The following AGBL4 variants were observed in gnomAD, a reference collection of about 807,000 sequenced individuals.
The protein encoded by AGBL4 is cytosolic carboxypeptidase 6.
A neutral mutation model predicts 66.4 loss-of-function variants in AGBL4; 58 were observed. The observed-to-expected ratio is 0.87, with a 90% CI of 0.71 to 1.09. The LOEUF (loss-of-function observed/expected upper bound fraction) is 1.09, where lower values mean the gene tolerates loss of function less well. Among genes scored for constraint, AGBL4 ranks in the 50% least tolerant of loss-of-function variants. The pLI is 0.00. For synonymous variants in AGBL4, 234 were observed against 222.9 expected, an observed-to-expected ratio of 1.05 and a Z score of -0.44; for missense variants, 579 against 631.0, an observed-to-expected ratio of 0.92 and a Z score of 0.88.
intron 5 of AGBL4, among the ~76,000 whole-genome samples, chr1:48,911,760 T>A (rs1158554862): frequency 6.6e-6 from 1 of 152,198 alleles, no homozygotes; most frequent in African/African-American, 2.4e-5. Flanking sequence ...ATCCAAATTA[T>A]TATAGTTCAT....
chr1:48,639,329 A>G (rs1054442987), intron 8 of AGBL4, among the ~76,000 whole-genome samples: 1 of 152,222 alleles, frequency 6.6e-6, no homozygotes, highest in East Asian at 1.9e-4. Context: ...TGAACAAAAC[A>G]TCTTAGTAAA....
At chr1:48,832,862 TG>T (rs1646587601) in intron 6 of AGBL4, among the ~76,000 whole-genome samples, 1 of 152,220 alleles carries the variant, frequency 6.6e-6, no homozygotes, top group Non-Finnish European at 1.5e-5. Flanking sequence ...CCTCAGACTC[TG>T]ACTTATACCA....
intron 3 of AGBL4, among the ~76,000 whole-genome samples, chr1:49,483,011 T>C (rs1646988735): frequency 6.6e-6 from 1 of 152,078 alleles, no homozygotes; most frequent in Non-Finnish European, 1.5e-5. Flanking sequence ...TTATTTTATG[T>C]TTGGTGAAGA....
chr1:48,748,878 G>A (rs1484911027), intron 6 of AGBL4, among the ~76,000 whole-genome samples: 1 of 152,164 alleles, frequency 6.6e-6, no homozygotes, highest in Non-Finnish European at 1.5e-5. Context: ...GAGGGCAGGA[G>A]CAGGCTTCGT....
At chr1:49,533,904 G>A (rs1047097820) in intron 3 of AGBL4, among the ~76,000 whole-genome samples, 7 of 152,088 alleles carry the variant, frequency 4.6e-5, no homozygotes, top group Non-Finnish European at 7.4e-5. Context: ...CCCTGCAAGT[G>A]TGAGTCACGC....
At chr1:48,663,322 A>G (rs776481172) in intron 6 of AGBL4, 81 bp from the exon 7 acceptor site, 326 of 1,315,522 alleles carry the variant, frequency 2.5e-4, no homozygotes, top group Non-Finnish European at 3.4e-4. Flanking sequence ...AGGGAACCCC[A>G]GAGGGAATGG....
intron 3 of AGBL4, among the ~76,000 whole-genome samples, chr1:49,440,782 T>A (rs560597118): frequency 2.1e-4 from 32 of 152,272 alleles, no homozygotes; most frequent in Admixed American, 3.9e-4. Flanking sequence ...TCGCCAGGTA[T>A]CTACTGTTAA....
intron 6 of AGBL4, among the ~76,000 whole-genome samples, chr1:48,804,679 T>C (rs1331801796): frequency 1.3e-5 from 2 of 151,854 alleles, no homozygotes; most frequent in East Asian, 1.9e-4. Context: ...CCTGGAGGGG[T>C]AGGGGCTCTA....
rs1335534900 is a variant in AGBL4, at chr1:48,827,663, C to A, written c.634+39528G>T. Among the ~76,000 whole-genome samples, 4 of 152,206 alleles carry A rather than the reference C, an allele frequency of 2.6e-5. No individual in the cohort carries two copies. The East Asian group carries it at 7.7e-4, about 29-fold the overall frequency. The stretch of plus-strand genomic sequence containing the variant: ...GTGTGCAGACATGTAGTTCTGCATG[C>A]TTCCTTGTTTAGGAAGCCCTTTTAA... On this transcript the variant is annotated intron_variant, in intron 6 of 13. Transcript: ENST00000371839.
intron 3 of AGBL4, among the ~76,000 whole-genome samples, chr1:49,262,972 G>T (rs1653358904): frequency 6.6e-6 from 1 of 152,176 alleles, no homozygotes; most frequent in African/African-American, 2.4e-5. Flanking sequence ...ATACTATGCA[G>T]CCATAGAAAA....
chr1:49,889,285 G>A (rs1648390149), intron 1 of AGBL4, among the ~76,000 whole-genome samples: 1 of 152,140 alleles, frequency 6.6e-6, no homozygotes, highest in Admixed American at 6.6e-5. Flanking sequence ...GATTCAGGGA[G>A]CTATCACCAC....
At chr1:49,208,585 A>G (rs1015629255) in intron 4 of AGBL4, among the ~76,000 whole-genome samples, 3 of 152,202 alleles carry the variant, frequency 2.0e-5, no homozygotes, top group East Asian at 3.9e-4. Flanking sequence ...GAGAAGATGC[A>G]TTCTTGGTTG....
chr1:48,730,368 G>T (rs934161335), intron 6 of AGBL4, among the ~76,000 whole-genome samples: 1 of 152,138 alleles, frequency 6.6e-6, no homozygotes, highest in African/African-American at 2.4e-5. Flanking sequence ...CAACCTCTAG[G>T]GGGGACTTCT....
chr1:49,552,085 G>A (rs1161115109), intron 3 of AGBL4, among the ~76,000 whole-genome samples: 1 of 152,104 alleles, frequency 6.6e-6, no homozygotes, highest in Non-Finnish European at 1.5e-5. Context: ...GGGAAGTGGG[G>A]AAAAGCCAGT....
intron 6 of AGBL4, among the ~76,000 whole-genome samples, chr1:48,798,702 T>C (rs1477311989): frequency 6.6e-6 from 1 of 152,170 alleles, no homozygotes; most frequent in African/African-American, 2.4e-5. Flanking sequence ...AGGTGAGAGA[T>C]GAAGATCCAG....
intron 1 of AGBL4, among the ~76,000 whole-genome samples, chr1:50,001,615 T>A (rs1572039396): frequency 6.6e-6 from 1 of 151,982 alleles, no homozygotes; most frequent in South Asian, 2.1e-4. Flanking sequence ...TGAAGCAGAC[T>A]AAAAATAAGA....
chr1:48,984,780 T>C (rs1169588116), intron 5 of AGBL4, among the ~76,000 whole-genome samples: 1 of 151,708 alleles, frequency 6.6e-6, no homozygotes, highest in Non-Finnish European at 1.5e-5. Flanking sequence ...AATAGGGCTA[T>C]CTGATGCCTG....
intron 11 of AGBL4, 110 bp downstream of exon 11, chr1:48,586,894 T>G: frequency 2.8e-6 from 4 of 1,411,224 alleles, no homozygotes; most frequent in Non-Finnish European, 3.0e-6. Context: ...CATCCTCACC[T>G]GAGAGTCTCA....
At chr1:49,509,353 T>C (rs1648987635) in intron 3 of AGBL4, among the ~76,000 whole-genome samples, 1 of 151,962 alleles carries the variant, frequency 6.6e-6, no homozygotes, top group South Asian at 2.1e-4. Flanking sequence ...TATTGAGTAT[T>C]TACATGCATT....
Sources: allele counts gnomAD v4.1 joint callset (sites outside exome capture counted in the v4.1 genomes callset), GRCh38; gene constraint gnomAD v4.1.1; transcripts MANE v1.5; gene names NCBI Gene and HGNC (gene_info 2026-07-23, HGNC 2026-07-21).